Variants in CAB39L observed in about 807,000 individuals in gnomAD.
CAB39L encodes calcium binding protein 39 like, also known as calcium-binding protein 39-like.
CAB39L carries 23 observed loss-of-function variants against 39.1 expected under a neutral mutation model. The observed-to-expected ratio is 0.59, with a 90% CI of 0.42 to 0.83. The LOEUF (loss-of-function observed/expected upper bound fraction) is 0.83. CAB39L is among the 40% of genes least tolerant of loss of function. CAB39L has a pLI of 0.00. For synonymous variants in CAB39L, 126 were observed against 137.2 expected, an observed-to-expected ratio of 0.92 and a Z score of 0.57; for missense variants, 366 against 391.9, an observed-to-expected ratio of 0.93 and a Z score of 0.56.
At chr13:49,377,455 G>A (rs900634963) in intron 4 of CAB39L, among the ~76,000 whole-genome samples, 3 of 94,154 alleles carry the variant, frequency 3.2e-5, no homozygotes, top group East Asian at 2.1e-4. Context: ...ATGCGGAGCC[G>A]AAGCTGGACT....
Position 49,433,307 on chromosome 13 carries a change from T to C in CAB39L, c.-32+11A>G. 1 of 443,444 alleles carries C rather than the reference T, an allele frequency of 2.3e-6. No individual in the cohort carries two copies. The highest frequency in any genetic ancestry group is 4.5e-6 in the Non-Finnish European group (1 of 223,386). 27.5% of individuals were successfully genotyped at this position (443,444 alleles called of 1,614,324 possible). A position where few individuals can be genotyped will look rare whatever the true frequency, so the allele number is the denominator to read the frequency against. ...ACTTAAAATCTTGATTGAGTCATCA[T>C]ACTAGCTTACCTTAGAAGTTGTATA... On this transcript the variant is annotated intron_variant, in intron 3 of 10. Coordinates refer to ENST00000409308, the MANE Select transcript of CAB39L (RefSeq NM_001079670.3).
rs575748562 is a variant in CAB39L, at chr13:49,361,590, A to G, written c.277-1758T>C. 5.3e-3 allele frequency among the ~76,000 whole-genome samples: 797 copies of G among 149,566 alleles called. 3 individuals carry two copies. The highest frequency in any genetic ancestry group is 7.9e-3 in the Non-Finnish European group (531 of 67,382). On this transcript the variant is annotated intron_variant, in intron 5 of 10. Coordinates refer to ENST00000409308, the MANE Select transcript of CAB39L (RefSeq NM_001079670.3). ...GAAAGAAAGAAAGAAAGAAAGAGAG[A>G]AAGTCCAATACCCTTCAATGACTTG...
intron 3 of CAB39L, among the ~76,000 whole-genome samples, chr13:49,402,310 G>C (rs1382395364): frequency 6.6e-6 from 1 of 152,158 alleles, no homozygotes; most frequent in Non-Finnish European, 1.5e-5. Context: ...TTGGGGATGA[G>C]GAATTAGGTA....
At chr13:49,385,634 T>C (rs12323025) in intron 3 of CAB39L, among the ~76,000 whole-genome samples, 29,911 of 152,134 alleles carry the variant, frequency 0.2, 3,129 homozygotes, top group African/African-American at 0.24. Flanking sequence ...ACTCTTCCTT[T>C]TCCTTGAACA....
At chr13:49,362,814 C>T (rs530453284) in intron 5 of CAB39L, among the ~76,000 whole-genome samples, 4 of 151,890 alleles carry the variant, frequency 2.6e-5, no homozygotes, top group Non-Finnish European at 4.4e-5. Flanking sequence ...AATCAAACTC[C>T]CAACATCAAA....
At chr13:49,430,925 C>A (rs2138731414) in intron 3 of CAB39L, among the ~76,000 whole-genome samples, 1 of 152,360 alleles carries the variant, frequency 6.6e-6, no homozygotes, top group East Asian at 1.9e-4. Flanking sequence ...GAAACTCAAT[C>A]TGCAAGCCTT....
At chr13:49,426,944 C>T (rs551135216) in intron 3 of CAB39L, among the ~76,000 whole-genome samples, 4 of 152,278 alleles carry the variant, frequency 2.6e-5, no homozygotes, top group African/African-American at 9.6e-5. Flanking sequence ...TTAGAAGAAG[C>T]CATTTCTTAA....
chr13:49,366,790 C>G (rs538363217), intron 5 of CAB39L, among the ~76,000 whole-genome samples: 3 of 151,908 alleles, frequency 2.0e-5, no homozygotes, highest in Non-Finnish European at 4.4e-5. Context: ...CTAAGGCAGG[C>G]AGATCACCAG....
chr13:49,331,738 A>C (rs2138392882), intron 10 of CAB39L, among the ~76,000 whole-genome samples: 1 of 152,298 alleles, frequency 6.6e-6, no homozygotes, highest in Non-Finnish European at 1.5e-5. Context: ...AAAAATAAAA[A>C]TATTTAGATG....
intron 8 of CAB39L, among the ~76,000 whole-genome samples, chr13:49,343,961 C>A (rs1290971693): frequency 6.6e-6 from 1 of 152,168 alleles, no homozygotes; most frequent in Non-Finnish European, 1.5e-5. Context: ...CTTCAGAGCA[C>A]AACACGAAGA....
At chr13:49,424,046 A>T (rs957093741) in intron 3 of CAB39L, among the ~76,000 whole-genome samples, 1 of 152,232 alleles carries the variant, frequency 6.6e-6, no homozygotes, top group Non-Finnish European at 1.5e-5. Context: ...ATAATAAATA[A>T]ACGGGAGAGA....
At chr13:49,399,101 G>A (rs1419770886) in intron 3 of CAB39L, among the ~76,000 whole-genome samples, 1 of 151,880 alleles carries the variant, frequency 6.6e-6, no homozygotes, top group African/African-American at 2.4e-5. Context: ...TTCCTTTATT[G>A]GATATCTTGG....
intron 3 of CAB39L, among the ~76,000 whole-genome samples, chr13:49,429,216 C>T (rs1237383348): frequency 1.3e-5 from 2 of 152,168 alleles, no homozygotes; most frequent in African/African-American, 4.8e-5. Flanking sequence ...CTGCTTCAAC[C>T]TTCCTAGTAG....
At chr13:49,410,565 CA>C (rs1956971123) in intron 3 of CAB39L, among the ~76,000 whole-genome samples, 1 of 152,068 alleles carries the variant, frequency 6.6e-6, no homozygotes, top group African/African-American at 2.4e-5. Context: ...CTAAAGAGAA[CA>C]CAGAAAGAAA....
intron 3 of CAB39L, among the ~76,000 whole-genome samples, chr13:49,405,751 G>GGAAGGAAGGAAGGAAGGA (rs1478083608): frequency 4.1e-4 from 28 of 69,016 alleles, no homozygotes; most frequent in Non-Finnish European, 4.4e-4. Context: ...GGAAGGAAGG[G>GGAAGGAAGGAAGGAAGGA]AGGGAGGGAC....
At chr13:49,350,678 T>TAA in intron 7 of CAB39L, 66 bp downstream of exon 7, 1 of 1,229,646 alleles carries the variant, frequency 8.1e-7, no homozygotes, top group Non-Finnish European at 1.1e-6. Flanking sequence ...TTTTTAAAAT[T>TAA]AAATTGCCTC....
rs532781415 is a variant in CAB39L, at chr13:49,332,445, A to G, written c.691-355T>C. On this transcript the variant is annotated intron_variant, in intron 9 of 10. Coordinates refer to ENST00000409308, the MANE Select transcript of CAB39L (RefSeq NM_001079670.3). ...GCATTCAGGTAGAAGTAATAACAAAATTGGTACCATAATGATACCTTCTTT... is the reference window on the plus strand; with the variant it reads ...GCATTCAGGTAGAAGTAATAACAAAGTTGGTACCATAATGATACCTTCTTT... Among the ~76,000 whole-genome samples, 49 of 152,272 alleles carry G rather than the reference A, an allele frequency of 3.2e-4. 3 individuals are homozygous for G. In the South Asian group the frequency reaches 6.2e-3, roughly 19 times the overall value.
chr13:49,418,702 A>G (rs923180303), intron 3 of CAB39L, among the ~76,000 whole-genome samples: 1 of 152,096 alleles, frequency 6.6e-6, no homozygotes, highest in African/African-American at 2.4e-5. Flanking sequence ...AGCTGGGATT[A>G]CAGGCATGTG....
chr13:49,346,124 T>TATATATGCTA (rs71076079), intron 7 of CAB39L, among the ~76,000 whole-genome samples: 2 of 116,788 alleles, frequency 1.7e-5, no homozygotes, highest in African/African-American at 3.7e-5. Context: ...TATATATATA[T>TATATATGCTA]CATGGATACA....
Sources: gnomAD v4.1 joint callset for allele counts (sites outside exome capture counted in the v4.1 genomes callset) on GRCh38, gnomAD v4.1.1 for gene constraint, MANE v1.5 for transcripts, NCBI Gene and HGNC (gene_info 2026-07-23, HGNC 2026-07-21) for gene names.